The following TAS1R3 variants were observed in gnomAD, a reference collection of about 807,000 sequenced individuals.
TAS1R3 encodes the protein taste 1 receptor member 3, also known as taste receptor type 1 member 3.
A neutral mutation model predicts 46.1 loss-of-function variants in TAS1R3; 58 were observed. The ratio of observed to expected loss-of-function variants is 1.26; its 90% CI spans 1.02 to 1.57. The LOEUF (loss-of-function observed/expected upper bound fraction) is 1.57. Ranked by LOEUF, TAS1R3 falls within the 40% of genes most tolerant of loss-of-function variation. The pLI is 0.00. For synonymous variants in TAS1R3, 724 were observed against 544.7 expected (o/e 1.33, Z -4.58); for missense variants, 1,422 against 1,185.8 (o/e 1.20, Z -2.93).
In TAS1R3 at chr1:1,333,064, G is replaced by GT; in HGVS notation, c.1421dup (p.Asn475GlnfsTer17). 1 of 1,612,738 alleles carries GT rather than the reference G, an allele frequency of 6.2e-7. No individual in the cohort carries two copies. The highest frequency in any genetic ancestry group is 8.5e-7 in the Non-Finnish European group (1 of 1,179,916). ...TGCCCAGGCTCCACGACGTGGGCAG[G>GT]TTCAACGGCAGCCTCAGGACAGAGC... is the stretch of plus-strand genomic sequence containing the variant. On this transcript the variant is annotated frameshift_variant, in exon 4 of 6. Transcript: ENST00000339381. LOFTEE classifies it high-confidence loss of function.
chr1:1,334,632 A>C lies in TAS1R3; in HGVS notation c.*168A>C. On this transcript the variant is annotated 3_prime_UTR_variant, in exon 6 of 6. Transcript: ENST00000339381. ...AGCCCTAGGCCTGGAGCACGTGGAC[A>C]CCCCTGTGACCATCTGGGCCCCAGA... 2 of 726,252 alleles carry C rather than the reference A, an allele frequency of 2.8e-6. No homozygotes were observed. Among genetic ancestry groups the C allele is most frequent in the Non-Finnish European group, 2.2e-6 (1 of 458,902 alleles). 45.0% of individuals were successfully genotyped at this position (726,252 alleles called of 1,614,324 possible). A position where few individuals can be genotyped will look rare whatever the true frequency, so the allele number is the denominator to read the frequency against.
At position 1,331,958 on chromosome 1, in the gene TAS1R3, A is replaced by ACAACCCC; in HGVS notation, c.492+21_492+22insAACCCCC. On this transcript the variant is annotated intron_variant, in intron 2 of 5. Transcript: ENST00000339381. ...CCCCAGGTGGGCGCCCCCCACCATC[A>ACAACCCC]CCCACCCCCACCCAGCCCTGCCCGT... 6.5e-7 allele frequency: 1 copy of ACAACCCC among 1,539,264 alleles called. No individual in the cohort carries two copies. The highest frequency in any genetic ancestry group is 8.8e-7 in the Non-Finnish European group (1 of 1,141,786).
chr1:1,334,569 C>T lies in TAS1R3; in HGVS notation c.*105C>T, dbSNP rs1643514853. On this transcript the variant is annotated 3_prime_UTR_variant, in exon 6 of 6. Transcript: ENST00000339381. Reference sequence around the variant, plus strand: ...TACAGAGACCCTCCCGCTCTAGGTTCTGACCCCAGGTTGTCTCCTGACCCT... The same window carrying T: ...TACAGAGACCCTCCCGCTCTAGGTTTTGACCCCAGGTTGTCTCCTGACCCT... 3.8e-5 allele frequency: 50 copies of T among 1,312,126 alleles called. 1 individual carries two copies. In the South Asian group the frequency reaches 6.5e-4, roughly 17 times the overall value. The allele number at this position is 1,312,126 out of a possible 1,614,324, so 81.3% of individuals were successfully genotyped here.
intron 5 of TAS1R3, 22 bp downstream of exon 5, chr1:1,333,401 C>T (rs201750146): frequency 3.7e-5 from 59 of 1,611,134 alleles, no homozygotes; most frequent in African/African-American, 2.8e-4. Context: ...TCCCGGCAGG[C>T]GGGGGTGGGA....
At position 1,331,957 on chromosome 1, in the gene TAS1R3, C is replaced by CCAAA; in HGVS notation, c.492+19_492+20insCAAA. 4 of 1,106,910 alleles carry CCAAA rather than the reference C, an allele frequency of 3.6e-6. No homozygotes were observed. The highest frequency in any genetic ancestry group is 4.0e-5 in the African/African-American group (2 of 50,544). 68.6% of individuals were successfully genotyped at this position (1,106,910 alleles called of 1,614,324 possible). Reference sequence around the variant, plus strand: ...GCCCCAGGTGGGCGCCCCCCACCATCACCCACCCCCACCCAGCCCTGCCCG... The same window carrying CCAAA: ...GCCCCAGGTGGGCGCCCCCCACCATCCAAAACCCACCCCCACCCAGCCCTGCCCG... On this transcript the variant is annotated intron_variant, in intron 2 of 5. Transcript: ENST00000339381.
rs767473355 is a variant in TAS1R3, at chr1:1,333,813, G to A, written c.1908G>A (p.Gln636=). 30 of 1,597,896 alleles carry A rather than the reference G, an allele frequency of 1.9e-5. No individual in the cohort carries two copies. Among genetic ancestry groups the A allele is most frequent in the Non-Finnish European group, 2.5e-5 (30 of 1,177,980 alleles). Residue 636 remains glutamine, a synonymous_variant, in exon 6 of 6, where the codon CAG becomes CAA. Transcript: ENST00000339381. ...GQPSPARCLA[Q]QPLSHLPLTG... is the part of the protein sequence containing the mutation. ...CCAGCCCTGCCCGATGCCTGGCCCA[G>A]CAGCCCTTGTCCCACCTCCCGCTCA...
rs200832359 is a variant in TAS1R3 at position 1,331,665 on chromosome 1, A to G, written c.219A>G (p.Ala73=). ...TRFSSNGLLW[A]LAMKMAVEEI... is the part of the protein sequence containing the mutation. ...TCTCCTCAAACGGCCTGCTCTGGGCACTGGCCATGAAAATGGCCGTGGAGG... is the reference window on the plus strand; with the variant it reads ...TCTCCTCAAACGGCCTGCTCTGGGCGCTGGCCATGAAAATGGCCGTGGAGG... Residue 73 remains alanine (A), a synonymous_variant, in exon 2 of 6, where the codon GCA becomes GCG. Transcript: ENST00000339381. The G allele has an allele frequency of 1.7e-5, 28 of 1,612,596 alleles. No individual in the cohort carries two copies. Among genetic ancestry groups the G allele is most frequent in the Middle Eastern group, 1.6e-4 (1 of 6,062 alleles).
rs758928179 is a variant in TAS1R3, at chr1:1,333,410, G to A, written c.1600+31G>A. On this transcript the variant is annotated intron_variant, in intron 5 of 5. Coordinates refer to ENST00000339381, the MANE Select transcript of TAS1R3 (RefSeq NM_152228.3). ...CCGCCTTCCCGGCAGGCGGGGGTGG[G>A]AACGCAGCAGGGGAGGGTCCTGCCA... 13 of 1,610,614 alleles carry A rather than the reference G, an allele frequency of 8.1e-6. No homozygotes were observed. The African/African-American group carries it at 1.5e-4, about 18-fold the overall frequency.
Position 1,333,034 on chromosome 1 carries a change from C to T in TAS1R3, c.1389C>T (p.Gly463=). ...EYDLKLWVWQ[G]SVPRLHDVGR... is the part of the protein sequence containing the mutation. ...ACCTGAAGCTGTGGGTGTGGCAGGG[C>T]TCAGTGCCCAGGCTCCACGACGTGG... is the stretch of plus-strand genomic sequence containing the variant. The change falls in exon 4 of 6, where the codon GGC becomes GGT. Residue 463 remains glycine, a synonymous_variant. Coordinates refer to ENST00000339381, the MANE Select transcript of TAS1R3 (RefSeq NM_152228.3). 6.2e-7 allele frequency: 1 copy of T among 1,612,746 alleles called. No individual in the cohort carries two copies. The highest frequency in any genetic ancestry group is 8.5e-7 in the Non-Finnish European group (1 of 1,179,926).
chr1:1,331,881 C>G lies in TAS1R3; in HGVS notation c.435C>G (p.His145Gln). ...QPRVLAVIGP[H>Q]SSELAMVTGK... is the part of the protein sequence containing the mutation. ...GTGTGCTGGCTGTCATCGGGCCCCA[C>G]TCGTCAGAGCTCGCCATGGTCACCG... Residue 145 changes from histidine (H) to glutamine (Q), a missense_variant, in exon 2 of 6, where the codon CAC (histidine) becomes CAG (glutamine). His to Gln is a conservative substitution (Grantham distance 24). Coordinates refer to ENST00000339381, the MANE Select transcript of TAS1R3 (RefSeq NM_152228.3). 6.2e-7 allele frequency: 1 copy of G among 1,612,858 alleles called. No homozygotes were observed. The highest frequency in any genetic ancestry group is 2.2e-5 in the East Asian group (1 of 44,882).
In TAS1R3 at chr1:1,335,295, C is replaced by T. The variant is rs1377305163; in HGVS notation, c.*831C>T. ...CACATCTGTCCCATAAAATTAAACGCTTTTTAGTGTTTAAAATAAGCAGCA... is the reference window on the plus strand; with the variant it reads ...CACATCTGTCCCATAAAATTAAACGTTTTTTAGTGTTTAAAATAAGCAGCA... On this transcript the variant is annotated 3_prime_UTR_variant, in exon 6 of 6. Transcript: ENST00000339381. 6.6e-6 allele frequency: 1 copy of T among 152,280 alleles called. No individual in the cohort carries two copies. Among genetic ancestry groups the T allele is most frequent in the African/African-American group, 2.4e-5 (1 of 41,466 alleles). The allele number at this position is 152,280 out of a possible 1,614,324, so 9.4% of individuals were successfully genotyped here. A position where few individuals can be genotyped will look rare whatever the true frequency, so the allele number is the denominator to read the frequency against.
At chr1:1,332,831 C>T (rs760334442) in intron 3 of TAS1R3, 25 bp downstream of exon 3, 2 of 1,594,508 alleles carry the variant, frequency 1.3e-6, no homozygotes, top group Non-Finnish European at 1.7e-6. Flanking sequence ...TGGGGGTGTG[C>T]TGTCCTCTGC....
At position 1,332,131 on chromosome 1, in the gene TAS1R3, G is replaced by A. The variant is rs200777827; in HGVS notation, c.600G>A (p.Leu200=). 1 of 1,599,416 alleles carries A rather than the reference G, an allele frequency of 6.3e-7. No homozygotes were observed. Among genetic ancestry groups the A allele is most frequent in the Non-Finnish European group, 8.5e-7 (1 of 1,179,676 alleles). ...TGCAGCTGACGGCCGCCGCGGAGCT[G>A]CTGCAGGAGTTCGGCTGGAACTGGG... ...DRVQLTAAAE[L]LQEFGWNWVA... is the part of the protein sequence containing the mutation. Residue 200 remains leucine, a synonymous_variant, in exon 3 of 6, where the codon CTG becomes CTA. Transcript: ENST00000339381.
rs1215895875 is a variant in TAS1R3 at position 1,332,675 on chromosome 1, A to G, written c.1144A>G (p.Ser382Gly). 1.2e-5 allele frequency: 19 copies of G among 1,605,574 alleles called. No homozygotes were observed. Among genetic ancestry groups the G allele is most frequent in the Non-Finnish European group, 1.6e-5 (19 of 1,179,586 alleles). ...TGACTGCATCACGCTGCAGAACGTGAGCGCAGGGCTAAATCACCACCAGAC... is the reference window on the plus strand; with the variant it reads ...TGACTGCATCACGCTGCAGAACGTGGGCGCAGGGCTAAATCACCACCAGAC... ...QCDCITLQNV[S>G]AGLNHHQTFS... The change falls in exon 3 of 6, where the codon AGC becomes GGC. Residue 382 changes from serine to glycine, a missense_variant. Physicochemically the swap from Ser to Gly is moderately conservative, Grantham distance 56 (BLOSUM62 0). Transcript: ENST00000339381.
rs754306412 is a variant in TAS1R3, at chr1:1,332,547, A to C, written c.1016A>C (p.Lys339Thr). The stretch of plus-strand genomic sequence containing the variant: ...CTGCACGAGTTCCCCCAGTACGTGA[A>C]GACGCACCTGGCCCTGGCCACCGAC... ...AQLHEFPQYV[K>T]THLALATDPA... Residue 339 changes from lysine (K) to threonine (T), a missense_variant, in exon 3 of 6, where the codon AAG (lysine) becomes ACG (threonine). Physicochemically the swap from Lys to Thr is moderately conservative, Grantham distance 78. Coordinates refer to ENST00000339381, the MANE Select transcript of TAS1R3 (RefSeq NM_152228.3). 6.2e-7 allele frequency: 1 copy of C among 1,611,784 alleles called. No homozygotes were observed. Among genetic ancestry groups the C allele is most frequent in the East Asian group, 2.2e-5 (1 of 44,858 alleles).
chr1:1,332,314 C>T lies in TAS1R3; in HGVS notation c.783C>T (p.His261=). 1 of 1,606,790 alleles carries T rather than the reference C, an allele frequency of 6.2e-7. No homozygotes were observed. Among genetic ancestry groups the T allele is most frequent in the Non-Finnish European group, 8.5e-7 (1 of 1,178,836 alleles). Residue 261 remains histidine (H), a synonymous_variant, in exon 3 of 6, where the codon CAC becomes CAT. Transcript: ENST00000339381. ...TGGGGAAGGTGCAGGACGTCCTGCA[C>T]CAGGTGAACCAGAGCAGCGTGCAGG... ...SRLGKVQDVL[H]QVNQSSVQVV...
chr1:1,333,004 G>T lies in TAS1R3; in HGVS notation c.1359G>T (p.Glu453Asp). 9.9e-6 allele frequency: 16 copies of T among 1,612,802 alleles called. No individual in the cohort carries two copies. The highest frequency in any genetic ancestry group is 1.4e-5 in the Non-Finnish European group (16 of 1,179,930). The change falls in exon 4 of 6, where the codon GAG becomes GAT. Residue 453 changes from glutamate to aspartate, a missense_variant. Glu to Asp is a conservative substitution (Grantham distance 45). Coordinates refer to ENST00000339381, the MANE Select transcript of TAS1R3 (RefSeq NM_152228.3). ...RFDSSGNVDM[E>D]YDLKLWVWQG... ...ACAGCAGCGGAAACGTGGACATGGA[G>T]TACGACCTGAAGCTGTGGGTGTGGC...
rs374733505 is a variant in TAS1R3, at chr1:1,332,822, G to A, written c.1275+16G>A. 417 of 1,598,702 alleles carry A rather than the reference G, an allele frequency of 2.6e-4. No individual in the cohort carries two copies. The highest frequency in any genetic ancestry group is 2.8e-4 in the Non-Finnish European group (325 of 1,173,008). On this transcript the variant is annotated intron_variant, in intron 3 of 5. Coordinates refer to ENST00000339381, the MANE Select transcript of TAS1R3 (RefSeq NM_152228.3). ...GCCCTGGCAGGTGAGCCCGGGAGAT[G>A]GGGGTGTGCTGTCCTCTGCATGTGC...
rs950280711 is a variant in TAS1R3 at position 1,332,419 on chromosome 1, G to A, written c.888G>A (p.Val296=). Residue 296 remains valine, a synonymous_variant, in exon 3 of 6, where the codon GTG becomes GTA. Transcript: ENST00000339381. ...TCAGCAGCAGGCTCTCGCCCAAGGT[G>A]TGGGTGGCCAGCGAGGCCTGGCTGA... ...YSISSRLSPK[V]WVASEAWLTS... The A allele has an allele frequency of 3.1e-6, 5 of 1,606,750 alleles. No individual in the cohort carries two copies. The highest frequency in any genetic ancestry group is 4.2e-6 in the Non-Finnish European group (5 of 1,178,188).
Sources: gnomAD v4.1 joint callset for allele counts on GRCh38, gnomAD v4.1.1 for gene constraint, MANE v1.5 for transcripts, NCBI Gene and HGNC (gene_info 2026-07-23, HGNC 2026-07-21) for gene names.